The following BCAS3 variants were observed in gnomAD, a reference collection of about 807,000 sequenced individuals.
BCAS3 encodes BCAS4/BCAS3 fusion.
In BCAS3, 53 loss-of-function variants were observed where a neutral mutation model predicts 116.1. The ratio of observed to expected loss-of-function variants is 0.46; its 90% CI spans 0.37 to 0.57. BCAS3 has a LOEUF of 0.57. Among genes scored for constraint, BCAS3 ranks in the 20% least tolerant of loss-of-function variants. BCAS3 has a pLI of 0.00. For synonymous variants in BCAS3, 391 were observed against 408.2 expected, an observed-to-expected ratio of 0.96 and a Z score of 0.51; for missense variants, 917 against 1,165.4, an observed-to-expected ratio of 0.79 and a Z score of 3.10.
At chr17:60,877,871 A>G (rs1831242503) in intron 9 of BCAS3, among the ~76,000 whole-genome samples, 1 of 152,214 alleles carries the variant, frequency 6.6e-6, no homozygotes, top group Non-Finnish European at 1.5e-5. Flanking sequence ...TGGATTTCAT[A>G]AAATCTGAAA....
chr17:61,260,294 GT>G (rs1313125285), intron 22 of BCAS3, among the ~76,000 whole-genome samples: 2 of 152,324 alleles, frequency 1.3e-5, no homozygotes, highest in East Asian at 3.9e-4. Flanking sequence ...GAGTTCCACA[GT>G]TTTATGAGAA....
intron 22 of BCAS3, among the ~76,000 whole-genome samples, chr17:61,318,813 T>C (rs1277818839): frequency 6.6e-6 from 1 of 152,210 alleles, no homozygotes; most frequent in Non-Finnish European, 1.5e-5. Context: ...GTAATTTCTC[T>C]TGGCCCTTGC....
At chr17:60,833,000 A>G (rs571373704) in intron 7 of BCAS3, among the ~76,000 whole-genome samples, 1 of 152,306 alleles carries the variant, frequency 6.6e-6, no homozygotes, top group East Asian at 1.9e-4. Context: ...TACAATGTAA[A>G]ATACAAGTAC....
rs577349858 is a variant in BCAS3 at position 60,875,916 on chromosome 17, G to T, written c.661+1178G>T. On this transcript the variant is annotated intron_variant, in intron 9 of 23. Transcript: ENST00000407086. Reference sequence around the variant, plus strand: ...CTAGTTTCAACAACTATCAAATAATGGACAGTCTTTTTCATTTATACCCCT... The same window carrying T: ...CTAGTTTCAACAACTATCAAATAATTGACAGTCTTTTTCATTTATACCCCT... Among the ~76,000 whole-genome samples the T allele has an allele frequency of 2.6e-5, 4 of 151,914 alleles. No homozygotes were observed. The East Asian group carries it at 7.7e-4, about 29-fold the overall frequency.
chr17:61,250,813 G>A (rs1264274234), intron 22 of BCAS3, among the ~76,000 whole-genome samples: 1 of 152,188 alleles, frequency 6.6e-6, no homozygotes, highest in Admixed American at 6.5e-5. Flanking sequence ...ACCTGAAAAC[G>A]AGTGATCAAC....
chr17:60,875,063 C>T (rs1023724306), intron 9 of BCAS3, among the ~76,000 whole-genome samples: 3 of 151,940 alleles, frequency 2.0e-5, no homozygotes, highest in African/African-American at 7.2e-5. Flanking sequence ...CTTAACATAC[C>T]GTACTTTTAT....
chr17:60,947,427 C>A, intron 14 of BCAS3, 75 bp downstream of exon 14: 1 of 1,407,544 alleles, frequency 7.1e-7, no homozygotes, highest in Non-Finnish European at 9.7e-7. Flanking sequence ...ATTTATATTA[C>A]ATTGCAGCTT....
Position 61,325,419 on chromosome 17 carries a change from C to T in BCAS3, c.2426-42908C>T, listed in dbSNP as rs988781185. On this transcript the variant is annotated intron_variant, in intron 22 of 23. Transcript: ENST00000407086. This position sits in a 1 kb window ranked among gnomAD's most constrained non-coding sequence, Gnocchi z 6.4. ...AGGGCTTGCAGGGTGACCCTCTGCT[C>T]CAGGGATATGGGCACTGCCTGGAGG... 6.6e-6 allele frequency among the ~76,000 whole-genome samples: 1 copy of T among 152,132 alleles called. No homozygotes were observed.
intron 4 of BCAS3, among the ~76,000 whole-genome samples, chr17:60,701,445 C>G (rs2036373383): frequency 6.6e-6 from 1 of 152,080 alleles, no homozygotes; most frequent in South Asian, 2.1e-4. Flanking sequence ...ATAGTTGACC[C>G]TTTAATAATG....
intron 22 of BCAS3, among the ~76,000 whole-genome samples, chr17:61,129,713 A>T (rs918788918): frequency 2.6e-5 from 4 of 152,196 alleles, no homozygotes; most frequent in Admixed American, 6.5e-5. Context: ...GGAGGTGCCG[A>T]TCTTCAGTTT....
At chr17:60,972,599 A>G (rs2062034865) in intron 14 of BCAS3, among the ~76,000 whole-genome samples, 2 of 151,882 alleles carry the variant, frequency 1.3e-5, no homozygotes, top group Non-Finnish European at 2.9e-5. Flanking sequence ...ATACAGTTGC[A>G]TACCACCATG....
intron 6 of BCAS3, among the ~76,000 whole-genome samples, chr17:60,757,412 G>GTGTC (rs1210436498): frequency 6.6e-6 from 1 of 151,392 alleles, no homozygotes; most frequent in Non-Finnish European, 1.5e-5. Flanking sequence ...GTGTGTGTGT[G>GTGTC]TGTGTGTGTG....
rs1271168137 is a variant in BCAS3 at position 61,151,859 on chromosome 17, C to A, written c.2425+67295C>A. 6.6e-6 allele frequency among the ~76,000 whole-genome samples: 1 copy of A among 152,148 alleles called. No homozygotes were observed. The highest frequency in any genetic ancestry group is 1.5e-5 in the Non-Finnish European group (1 of 68,028). On this transcript the variant is annotated intron_variant, in intron 22 of 23. Transcript: ENST00000407086. This position sits in a 1 kb window ranked among gnomAD's most constrained non-coding sequence, Gnocchi z 4.8. ...ACCACAGGCTTTTCATGCCAATACT[C>A]CTCCTGCAAACGTGAATGTTCCTAA...
Position 61,324,136 on chromosome 17 carries a change from G to A in BCAS3, c.2426-44191G>A, listed in dbSNP as rs1298957799. Among the ~76,000 whole-genome samples, 1 of 152,170 alleles carries A rather than the reference G, an allele frequency of 6.6e-6. No individual in the cohort carries two copies. The highest frequency in any genetic ancestry group is 2.4e-5 in the African/African-American group (1 of 41,436). On this transcript the variant is annotated intron_variant, in intron 22 of 23. Transcript: ENST00000407086. The surrounding 1 kb of genome is among the most constrained non-coding windows in gnomAD (Gnocchi z 4.6). ...ATACTGGGACTCTTCCCATCAGGCTGCAAACTCCTCCAGAGGCAGGGACCC... is the reference window on the plus strand; with the variant it reads ...ATACTGGGACTCTTCCCATCAGGCTACAAACTCCTCCAGAGGCAGGGACCC...
At chr17:61,236,948 A>G (rs2083108987) in intron 22 of BCAS3, among the ~76,000 whole-genome samples, 1 of 152,154 alleles carries the variant, frequency 6.6e-6, no homozygotes, top group African/African-American at 2.4e-5. Flanking sequence ...AAGACTGAAA[A>G]AGTAGAATAG....
intron 4 of BCAS3, among the ~76,000 whole-genome samples, chr17:60,691,481 C>G (rs2034817185): frequency 1.3e-5 from 2 of 151,954 alleles, no homozygotes; most frequent in South Asian, 4.2e-4. Flanking sequence ...TTGGATTTTC[C>G]TGATGATTAG....
intron 14 of BCAS3, among the ~76,000 whole-genome samples, chr17:60,963,830 C>T (rs920433988): frequency 6.6e-6 from 1 of 152,238 alleles, no homozygotes; most frequent in Non-Finnish European, 1.5e-5. Context: ...GCTGGGATTA[C>T]AGGCGTGAGC....
At position 61,194,799 on chromosome 17, in the gene BCAS3, T is replaced by C. The variant is rs16944976; in HGVS notation, c.2425+110235T>C. ...TGACTCTTAGATTCATAGGCTAAAT[T>C]TCCTTTTGGATTGTTTTTCAAAGAC... On this transcript the variant is annotated intron_variant, in intron 22 of 23. Coordinates refer to ENST00000407086, the MANE Select transcript of BCAS3 (RefSeq NM_017679.5). 2.8e-3 allele frequency among the ~76,000 whole-genome samples: 423 copies of C among 152,242 alleles called. 2 individuals carry two copies. The highest frequency in any genetic ancestry group is 9.8e-3 in the African/African-American group (407 of 41,548).
chr17:61,069,608 C>CG (rs1568278518), intron 19 of BCAS3, among the ~76,000 whole-genome samples: 2 of 151,980 alleles, frequency 1.3e-5, no homozygotes, highest in African/African-American at 2.4e-5. Flanking sequence ...GAGGCTAAGG[C>CG]GGGTGGATCA....
Sources: gnomAD v4.1 joint callset for allele counts (sites outside exome capture counted in the v4.1 genomes callset) on GRCh38, gnomAD v4.1.1 for gene constraint, Gnocchi (gnomAD v3.1) non-coding constraint, MANE v1.5 for transcripts, NCBI Gene and HGNC (gene_info 2026-07-23, HGNC 2026-07-21) for gene names.